GCN1: variants seen among roughly 807,000 people sequenced by gnomAD.
GCN1 encodes GCN1 activator of EIF2AK4, also known as stalled ribosome sensor GCN1.
Under a neutral mutation model 288.4 loss-of-function variants are expected in GCN1, and 90 were observed. That is an observed-to-expected ratio of 0.31 (90% confidence interval 0.26 to 0.37). GCN1 has a LOEUF of 0.37. GCN1 is among the 10% of genes least tolerant of loss of function. The probability of loss-of-function intolerance (pLI) is 1.00; values close to 1 mark genes in which losing one functional copy is unlikely to be tolerated. For missense variants in GCN1, 2,586 were observed against 3,419.9 expected, an observed-to-expected ratio of 0.76 and a Z score of 6.08; for synonymous variants, 1,386 against 1,420.2, an observed-to-expected ratio of 0.98 and a Z score of 0.54.
chr12:120,159,982 G>C lies in GCN1; in HGVS notation c.2592C>G (p.Ile864Met), dbSNP rs764356936. The C allele has an allele frequency of 1.2e-6, 2 of 1,614,174 alleles. No homozygotes were observed. Among genetic ancestry groups the C allele is most frequent in the Non-Finnish European group, 1.7e-6 (2 of 1,180,006 alleles). Residue 864 changes from isoleucine (I) to methionine (M), a missense_variant, in exon 24 of 58, where the codon ATC (isoleucine) becomes ATG (methionine). Transcript: ENST00000300648. ...GGCCGGACGGGTTCTTGGCCAGGATGATGTCCAGCAGTCCAAGCGCCGCCT... is the reference window on the plus strand; with the variant it reads ...GGCCGGACGGGTTCTTGGCCAGGATCATGTCCAGCAGTCCAAGCGCCGCCT... Reference protein sequence around the residue: ...ELEAALGLLDIILAKNPSGLT... With the variant: ...ELEAALGLLDMILAKNPSGLT...
chr12:120,159,203 G>A (rs1009104163), intron 24 of GCN1, among the ~76,000 whole-genome samples: 39 of 152,146 alleles, frequency 2.6e-4, no homozygotes, highest in Non-Finnish European at 1.0e-4. Flanking sequence ...TATCTGTGCA[G>A]CATCTCCACC....
At chr12:120,170,366 G>A in intron 14 of GCN1, 45 bp from the exon 15 acceptor site, 2 of 1,567,868 alleles carry the variant, frequency 1.3e-6, no homozygotes, top group East Asian at 2.2e-5. Flanking sequence ...CTGATCCTTG[G>A]AAATGACAGG....
chr12:120,152,660 A>AC (rs1877604247), intron 33 of GCN1, among the ~76,000 whole-genome samples: 2 of 137,326 alleles, frequency 1.5e-5, no homozygotes, highest in African/African-American at 5.4e-5. Context: ...CACACACACA[A>AC]AATATATATA....
rs372258623 is a variant in GCN1, at chr12:120,155,039, C to T, written c.3632G>A (p.Arg1211Gln). The change falls in exon 31 of 58, where the codon CGG (arginine) becomes CAG (glutamine). Residue 1211 changes from arginine to glutamine, a missense_variant and splice_region_variant. By Grantham distance (43) the Arg-to-Gln change is conservative. Coordinates refer to ENST00000300648, the MANE Select transcript of GCN1 (RefSeq NM_006836.2). This position sits in a 1 kb window ranked among gnomAD's most constrained non-coding sequence, Gnocchi z 4.9. ...LMEIYQEKLYRPPPVLDALGR... is the reference protein window; with the variant it reads ...LMEIYQEKLYQPPPVLDALGR... The stretch of plus-strand genomic sequence containing the variant: ...CAAAGCATCCAGCACTGGGGGCGGC[C>T]GCTGCAACAGACAAGTTGGTAAATG... 5.4e-5 allele frequency: 87 copies of T among 1,613,246 alleles called. No individual in the cohort carries two copies. The highest frequency in any genetic ancestry group is 1.2e-4 in the African/African-American group (9 of 74,910).
chr12:120,157,044 C>A, intron 26 of GCN1, 52 bp from the exon 27 acceptor site: 1 of 1,260,966 alleles, frequency 7.9e-7, no homozygotes. Flanking sequence ...AGGTCTGTAA[C>A]CCAGGCGGCC....
chr12:120,168,397 A>G, intron 15 of GCN1, 97 bp from the exon 16 acceptor site: 1 of 782,880 alleles, frequency 1.3e-6, no homozygotes, highest in Non-Finnish European at 2.3e-6. Context: ...CTTTGCTGAC[A>G]AACCCTCCTC....
chr12:120,145,099 T>G, intron 39 of GCN1, 38 bp from the exon 40 acceptor site: 2 of 1,613,518 alleles, frequency 1.2e-6, no homozygotes, highest in Non-Finnish European at 1.7e-6. Flanking sequence ...TGTGAGAAGA[T>G]GAGGCTCAAA....
At chr12:120,179,449 G>A (rs1431575266) in intron 5 of GCN1, among the ~76,000 whole-genome samples, 2 of 150,770 alleles carry the variant, frequency 1.3e-5, no homozygotes, top group African/African-American at 4.9e-5. Flanking sequence ...GCCCAGGCTG[G>A]AGTGCAGTGG....
chr12:120,144,847 G>A lies in GCN1; in HGVS notation c.5156-12C>T. ...GACCTCAGCCAACCCTGCAACAAAGGACAGAATGAGTCCACTGGATCTGAG... is the reference window on the plus strand; with the variant it reads ...GACCTCAGCCAACCCTGCAACAAAGAACAGAATGAGTCCACTGGATCTGAG... On this transcript the variant is annotated splice_polypyrimidine_tract_variant and intron_variant, in intron 40 of 57. Coordinates refer to ENST00000300648, the MANE Select transcript of GCN1 (RefSeq NM_006836.2). The surrounding 1 kb of genome is among the most constrained non-coding windows in gnomAD (Gnocchi z 4.7). The A allele has an allele frequency of 1.2e-6, 2 of 1,614,084 alleles. No homozygotes were observed. The highest frequency in any genetic ancestry group is 1.7e-6 in the Non-Finnish European group (2 of 1,179,960).
chr12:120,148,375 T>TG (rs1478842261), intron 36 of GCN1, 29 bp from the exon 37 acceptor site: 1 of 1,588,698 alleles, frequency 6.3e-7, no homozygotes, highest in Non-Finnish European at 8.6e-7. Context: ...AGCCCAGTAC[T>TG]GAATCACTGA....
intron 14 of GCN1, among the ~76,000 whole-genome samples, chr12:120,173,192 G>C (rs1458964833): frequency 6.6e-6 from 1 of 151,688 alleles, no homozygotes; most frequent in African/African-American, 2.4e-5. Flanking sequence ...ACGTAGCTGA[G>C]ATTACAGGTG....
At chr12:120,193,000 C>A (rs1479180984) in intron 1 of GCN1, among the ~76,000 whole-genome samples, 1 of 152,090 alleles carries the variant, frequency 6.6e-6, no homozygotes, top group Non-Finnish European at 1.5e-5. Context: ...CGTGCCATTG[C>A]ACTCCAGCCT....
chr12:120,187,781 A>G (rs1878866251), intron 2 of GCN1, among the ~76,000 whole-genome samples: 1 of 152,036 alleles, frequency 6.6e-6, no homozygotes, highest in Non-Finnish European at 1.5e-5. Context: ...TGGAGCTGAG[A>G]ATTTTTATCT....
At chr12:120,172,980 A>G (rs1878357168) in intron 14 of GCN1, among the ~76,000 whole-genome samples, 1 of 152,164 alleles carries the variant, frequency 6.6e-6, no homozygotes, top group African/African-American at 2.4e-5. Flanking sequence ...AGGTTCCTCA[A>G]CACTGAAGGA....
At chr12:120,170,788 T>C (rs1021419117) in intron 14 of GCN1, among the ~76,000 whole-genome samples, 2 of 151,998 alleles carry the variant, frequency 1.3e-5, no homozygotes, top group Non-Finnish European at 2.9e-5. Context: ...TCTGGTACTC[T>C]TCCCCCATAC....
rs186912683 is a variant in GCN1 at position 120,159,140 on chromosome 12, C to T, written c.2750-525G>A. 1.6e-4 allele frequency among the ~76,000 whole-genome samples: 24 copies of T among 152,200 alleles called. No homozygotes were observed. In the South Asian group the frequency reaches 4.4e-3, roughly 28 times the overall value. On this transcript the variant is annotated intron_variant, in intron 24 of 57. Transcript: ENST00000300648. ...CCTTTGGACATTTAAGAAATGAGTA[C>T]GCTGACAGGAGACAAGGGCCACCAA...
rs547465152 is a variant in GCN1, at chr12:120,173,873, T to C, written c.1193-47A>G. Reference sequence around the variant, plus strand: ...CAGTCAGTCCAATGTCTTATAACCATGTCAAATCATTGCAAGCAGTGCAAA... The same window carrying C: ...CAGTCAGTCCAATGTCTTATAACCACGTCAAATCATTGCAAGCAGTGCAAA... On this transcript the variant is annotated intron_variant, in intron 13 of 57. Coordinates refer to ENST00000300648, the MANE Select transcript of GCN1 (RefSeq NM_006836.2). The C allele has an allele frequency of 5.4e-5, 82 of 1,515,086 alleles. No homozygotes were observed. The Admixed American group carries it at 1.4e-3, about 25-fold the overall frequency. 93.9% of individuals were successfully genotyped at this position (1,515,086 alleles called of 1,614,324 possible). A position where few individuals can be genotyped will look rare whatever the true frequency, so the allele number is the denominator to read the frequency against.
chr12:120,135,687 A>G (rs1876979714), intron 51 of GCN1, among the ~76,000 whole-genome samples: 1 of 152,166 alleles, frequency 6.6e-6, no homozygotes, highest in Admixed American at 6.5e-5. Context: ...TAGGAAAACC[A>G]GAGTGACTGT....
rs1352823088 is a variant in GCN1, at chr12:120,144,738, A to G, written c.5253T>C (p.His1751=). 5.0e-6 allele frequency: 8 copies of G among 1,613,824 alleles called. No individual in the cohort carries two copies. Among genetic ancestry groups the G allele is most frequent in the Non-Finnish European group, 6.8e-6 (8 of 1,179,798 alleles). The part of the protein sequence containing the change: ...ATASKVDIAP[H]VRDGYIMMFN... ...ACATCATAATGTAGCCATCTCGGACATGGGGTGCAATGTCCACTTTGCTGG... is the reference window on the plus strand; with the variant it reads ...ACATCATAATGTAGCCATCTCGGACGTGGGGTGCAATGTCCACTTTGCTGG... Residue 1751 remains histidine, a synonymous_variant, in exon 41 of 58, where the codon CAT becomes CAC. Coordinates refer to ENST00000300648, the MANE Select transcript of GCN1 (RefSeq NM_006836.2). The surrounding 1 kb of genome is among the most constrained non-coding windows in gnomAD (Gnocchi z 4.7).
Sources: gnomAD v4.1 joint callset for allele counts (sites outside exome capture counted in the v4.1 genomes callset) on GRCh38, gnomAD v4.1.1 for gene constraint, Gnocchi (gnomAD v3.1) non-coding constraint, MANE v1.5 for transcripts, NCBI Gene and HGNC (gene_info 2026-07-23, HGNC 2026-07-21) for gene names.